Variants in OSBPL1A observed in about 807,000 individuals in gnomAD.
The protein encoded by OSBPL1A is oxysterol-binding protein-related protein 1.
In OSBPL1A, 80 loss-of-function variants were observed where a neutral mutation model predicts 137.1. That is an observed-to-expected ratio of 0.58 (90% CI 0.49 to 0.70). The LOEUF is 0.70. Ranked by LOEUF, OSBPL1A falls within the 30% of genes least tolerant of loss-of-function variation. OSBPL1A has a pLI of 0.00. For missense variants in OSBPL1A, 970 were observed against 1,129.4 expected, an observed-to-expected ratio of 0.86 and a Z score of 2.02; for synonymous variants, 365 against 389.7, an observed-to-expected ratio of 0.94 and a Z score of 0.75.
At chr18:24,379,127 G>A (rs2146206832) in intron 1 of OSBPL1A, among the ~76,000 whole-genome samples, 1 of 151,990 alleles carries the variant, frequency 6.6e-6, no homozygotes, top group South Asian at 2.1e-4. Flanking sequence ...AAAGAACTTT[G>A]GAAATAAAAA....
intron 7 of OSBPL1A, among the ~76,000 whole-genome samples, chr18:24,327,928 A>G (rs1302590705): frequency 2.0e-5 from 3 of 151,004 alleles, no homozygotes; most frequent in African/African-American, 7.3e-5. Context: ...TTCTTATTTC[A>G]TTTGGACACT....
intron 15 of OSBPL1A, among the ~76,000 whole-genome samples, chr18:24,245,555 A>G (rs933779533): frequency 6.6e-6 from 1 of 152,164 alleles, no homozygotes; most frequent in African/African-American, 2.4e-5. Flanking sequence ...TCTGACTATT[A>G]TATTGTTAAG....
At chr18:24,346,379 A>G (rs959699463) in intron 4 of OSBPL1A, among the ~76,000 whole-genome samples, 13 of 152,208 alleles carry the variant, frequency 8.5e-5, no homozygotes, top group Non-Finnish European at 1.6e-4. Context: ...GGCTTTGAGT[A>G]TATTCATAGA....
At position 24,180,746 on chromosome 18, in the gene OSBPL1A, G is replaced by A. The variant is rs150400721; in HGVS notation, c.1812+399C>T. On this transcript the variant is annotated intron_variant, in intron 19 of 27. Coordinates refer to ENST00000319481, the MANE Select transcript of OSBPL1A (RefSeq NM_080597.4). Reference sequence around the variant, plus strand: ...CAAAAAATTAGCCAGGCATAGTGGCGGGTGCCTGTAGTCCCAGCTACTTGG... The same window carrying A: ...CAAAAAATTAGCCAGGCATAGTGGCAGGTGCCTGTAGTCCCAGCTACTTGG... 8.7e-3 allele frequency among the ~76,000 whole-genome samples: 1,323 copies of A among 152,132 alleles called. 5 individuals are homozygous for A. Among genetic ancestry groups the A allele is most frequent in the Middle Eastern group, 0.017 (5 of 294 alleles).
At chr18:24,325,892 T>G (rs373104049) in intron 7 of OSBPL1A, among the ~76,000 whole-genome samples, 3 of 152,368 alleles carry the variant, frequency 2.0e-5, no homozygotes, top group East Asian at 3.9e-4. Flanking sequence ...ATTAAAAATT[T>G]TAAATATCCT....
At chr18:24,201,179 T>C (rs2087210357) in intron 17 of OSBPL1A, among the ~76,000 whole-genome samples, 1 of 152,194 alleles carries the variant, frequency 6.6e-6, no homozygotes, top group African/African-American at 2.4e-5. Context: ...CCTGGTTCTA[T>C]TTTCAACCAT....
rs757529238 is a variant in OSBPL1A at position 24,178,007 on chromosome 18, A to G, written c.2093+6T>C. ...AAAAGAGTGTAATGGCTTGATCAGAACTCACTCAAGGAGCTCCAAGGTGAT... is the reference window on the plus strand; with the variant it reads ...AAAAGAGTGTAATGGCTTGATCAGAGCTCACTCAAGGAGCTCCAAGGTGAT... On this transcript the variant is annotated splice_donor_region_variant and intron_variant, in intron 21 of 27. Transcript: ENST00000319481. 3 of 1,611,852 alleles carry G rather than the reference A, an allele frequency of 1.9e-6. No individual in the cohort carries two copies. Among genetic ancestry groups the G allele is most frequent in the Non-Finnish European group, 2.5e-6 (3 of 1,178,130 alleles).
chr18:24,368,453 A>G (rs1905347741), intron 2 of OSBPL1A, 81 bp from the exon 3 acceptor site: 1 of 1,024,384 alleles, frequency 9.8e-7, no homozygotes, highest in Middle Eastern at 2.6e-4. Context: ...ATAACAAGCT[A>G]CCTCAATAAT....
At chr18:24,197,786 C>CTTTTTTTTTTTTTT (rs1043369707) in intron 17 of OSBPL1A, among the ~76,000 whole-genome samples, 1 of 122,814 alleles carries the variant, frequency 8.1e-6, no homozygotes, top group African/African-American at 3.2e-5. Context: ...CTTTTCTTTT[C>CTTTTTTTTTTTTTT]TTTTTTTTTT....
intron 1 of OSBPL1A, among the ~76,000 whole-genome samples, chr18:24,379,775 G>T (rs1906451992): frequency 6.6e-6 from 1 of 151,634 alleles, no homozygotes. Flanking sequence ...GGAGGCTGAG[G>T]CAGGAGAATC....
At chr18:24,369,487 C>T (rs1905442236) in intron 2 of OSBPL1A, among the ~76,000 whole-genome samples, 1 of 152,170 alleles carries the variant, frequency 6.6e-6, no homozygotes, top group African/African-American at 2.4e-5. Context: ...CATGTTATTC[C>T]AGGGGCCACT....
chr18:24,200,089 A>G (rs2087172226), intron 17 of OSBPL1A, among the ~76,000 whole-genome samples: 1 of 152,360 alleles, frequency 6.6e-6, no homozygotes, highest in Admixed American at 6.5e-5. Flanking sequence ...ATATAAATAC[A>G]TACAAAAAAT....
At chr18:24,183,972 G>C (rs2086677764) in intron 18 of OSBPL1A, among the ~76,000 whole-genome samples, 1 of 152,248 alleles carries the variant, frequency 6.6e-6, no homozygotes. Context: ...TAAACCCTGT[G>C]CCAGTTCCCT....
intron 14 of OSBPL1A, among the ~76,000 whole-genome samples, chr18:24,292,540 C>T (rs1183344109): frequency 6.6e-6 from 1 of 152,038 alleles, no homozygotes; most frequent in Non-Finnish European, 1.5e-5. Flanking sequence ...GAAAGAGAGA[C>T]GGCGAGAGAG....
chr18:24,286,319 CAA>C (rs976263236), intron 14 of OSBPL1A, among the ~76,000 whole-genome samples: 33 of 152,080 alleles, frequency 2.2e-4, no homozygotes, highest in African/African-American at 7.5e-4. Context: ...TGAAAAATAT[CAA>C]AAGAGGTCAT....
At chr18:24,377,615 G>A (rs868705966) in intron 1 of OSBPL1A, 80 bp from the exon 2 acceptor site, 3 of 1,357,240 alleles carry the variant, frequency 2.2e-6, no homozygotes, top group East Asian at 2.5e-5. Context: ...TACAGAAAGG[G>A]GAAAGAATCC....
At chr18:24,373,994 G>C (rs1365741569) in intron 2 of OSBPL1A, among the ~76,000 whole-genome samples, 1 of 152,076 alleles carries the variant, frequency 6.6e-6, no homozygotes, top group Admixed American at 6.6e-5. Context: ...CTCCTAATTA[G>C]CCTGAGGCAA....
intron 14 of OSBPL1A, among the ~76,000 whole-genome samples, chr18:24,289,418 G>GTTTTTTTTTTTTTTTTTT (rs536281272): frequency 2.1e-5 from 2 of 94,208 alleles, no homozygotes; most frequent in Non-Finnish European, 4.0e-5. Flanking sequence ...GTTTTTTCCT[G>GTTTTTTTTTTTTTTTTTT]TTTTTTTTTT....
intron 14 of OSBPL1A, among the ~76,000 whole-genome samples, chr18:24,298,566 C>T (rs1343774041): frequency 2.0e-5 from 3 of 152,266 alleles, no homozygotes; most frequent in Admixed American, 1.3e-4. Context: ...AGGATGGTCT[C>T]GATCTCCGGA....
Sources: allele counts gnomAD v4.1 joint callset (sites outside exome capture counted in the v4.1 genomes callset), GRCh38; gene constraint gnomAD v4.1.1; transcripts MANE v1.5; gene names NCBI Gene and HGNC (gene_info 2026-07-23, HGNC 2026-07-21).